The following ZNF254 variants were observed in gnomAD, a reference collection of about 807,000 sequenced individuals.
ZNF254 encodes the protein zinc finger protein 254.
In ZNF254, 10 loss-of-function variants were observed where a neutral mutation model predicts 12.4. The ratio of observed to expected loss-of-function variants is 0.80; its 90% CI spans 0.50 to 1.36. The LOEUF (loss-of-function observed/expected upper bound fraction) is 1.36, where lower values mean the gene tolerates loss of function less well. Among genes scored for constraint, ZNF254 ranks in the 40% most tolerant of loss-of-function variants. ZNF254 has a pLI of 0.00. For synonymous variants in ZNF254, 305 were observed against 253.4 expected, an observed-to-expected ratio of 1.20 and a Z score of -1.93; for missense variants, 996 against 763.9, an observed-to-expected ratio of 1.30 and a Z score of -3.58.
chr19:24,036,271 G>A (rs376554559), intron 1 of ZNF254, among the ~76,000 whole-genome samples: 3 of 151,686 alleles, frequency 2.0e-5, no homozygotes, highest in African/African-American at 4.8e-5. Context: ...CGGTTTCACC[G>A]TGGTCTTGAT....
intron 2 of ZNF254, among the ~76,000 whole-genome samples, chr19:24,049,214 A>ATATATATAT (rs1160333151): frequency 1.5e-4 from 6 of 40,860 alleles, no homozygotes; most frequent in East Asian, 4.7e-4. Flanking sequence ...ATATATATAT[A>ATATATATAT]TTTTTTTTTT....
intron 1 of ZNF254, among the ~76,000 whole-genome samples, chr19:24,044,409 G>C (rs1041583046): frequency 6.6e-6 from 1 of 151,772 alleles, no homozygotes; most frequent in Non-Finnish European, 1.5e-5. Flanking sequence ...ATGGTGGCAG[G>C]CACCTGTAGT....
chr19:24,041,741 C>T (rs962210810), intron 1 of ZNF254, among the ~76,000 whole-genome samples: 3 of 152,258 alleles, frequency 2.0e-5, no homozygotes, highest in Admixed American at 6.5e-5. Flanking sequence ...CCTGCAGCCC[C>T]GGTGCGGGAT....
intron 1 of ZNF254, among the ~76,000 whole-genome samples, chr19:24,092,586 G>C (rs992664848): frequency 1.3e-5 from 2 of 151,920 alleles, no homozygotes; most frequent in African/African-American, 4.8e-5. Flanking sequence ...TTTCCATGTT[G>C]CTCAGGCTGG....
intron 2 of ZNF254, among the ~76,000 whole-genome samples, chr19:24,077,224 A>G (rs1297476846): frequency 6.6e-6 from 1 of 152,162 alleles, no homozygotes; most frequent in Non-Finnish European, 1.5e-5. Context: ...ACCTGACCAC[A>G]CCAATGTACA....
At chr19:24,038,447 C>A (rs998081717) in intron 1 of ZNF254, among the ~76,000 whole-genome samples, 1 of 152,168 alleles carries the variant, frequency 6.6e-6, no homozygotes, top group African/African-American at 2.4e-5. Context: ...TTTGCAATCT[C>A]TTAGCAGTTT....
At chr19:24,125,653 T>C (rs1974784016) in intron 3 of ZNF254, among the ~76,000 whole-genome samples, 2 of 152,216 alleles carry the variant, frequency 1.3e-5, no homozygotes, top group African/African-American at 4.8e-5. Flanking sequence ...TTTTATTATT[T>C]AATTAGGAGA....
Position 24,126,929 on chromosome 19 carries a change from C to G in ZNF254, c.929C>G (p.Thr310Ser). 6.2e-7 allele frequency: 1 copy of G among 1,613,344 alleles called. No individual in the cohort carries two copies. The highest frequency in any genetic ancestry group is 2.2e-5 in the East Asian group (1 of 44,788). Residue 310 changes from threonine (T) to serine (S), a missense_variant, in exon 4 of 4, where the codon ACT becomes AGT. Thr to Ser is a moderately conservative substitution (Grantham distance 58). Transcript: ENST00000357002. The part of the protein sequence containing the change: ...GKAFIWSSTL[T>S]EHKKIHTRKK... ...GCATTTATCTGGTCCTCAACCCTTA[C>G]TGAGCATAAGAAAATTCATACTAGA...
chr19:24,099,529 A>G (rs2145749698), intron 1 of ZNF254, among the ~76,000 whole-genome samples: 1 of 152,310 alleles, frequency 6.6e-6, no homozygotes, highest in East Asian at 1.9e-4. Flanking sequence ...AGCCAAAAAG[A>G]CAGCACCCTT....
intron 2 of ZNF254, among the ~76,000 whole-genome samples, chr19:24,068,222 G>A (rs948708009): frequency 6.6e-6 from 1 of 151,850 alleles, no homozygotes; most frequent in Non-Finnish European, 1.5e-5. Flanking sequence ...TATCCTCTCA[G>A]GGTGTTGCTC....
At chr19:24,090,307 A>AG (rs1397248662) in intron 1 of ZNF254, among the ~76,000 whole-genome samples, 2 of 152,112 alleles carry the variant, frequency 1.3e-5, no homozygotes, top group Non-Finnish European at 2.9e-5. Context: ...GTCTCCTGAG[A>AG]GGGGGTTATT....
At chr19:24,111,829 A>T (rs1973702077) in intron 3 of ZNF254, among the ~76,000 whole-genome samples, 1 of 150,284 alleles carries the variant, frequency 6.7e-6, no homozygotes, top group Non-Finnish European at 1.5e-5. Context: ...GTTTGAGTTC[A>T]TTGTAGATTC....
chr19:24,033,629 T>C (rs948852093), intron 1 of ZNF254: 3 of 407,700 alleles, frequency 7.4e-6, no homozygotes, highest in South Asian at 1.8e-5. Flanking sequence ...AGGGTGAGTG[T>C]GCGGGGTTGG....
At chr19:24,101,968 G>A (rs1029913162) in intron 1 of ZNF254, among the ~76,000 whole-genome samples, 2 of 152,306 alleles carry the variant, frequency 1.3e-5, no homozygotes, top group African/African-American at 4.8e-5. Flanking sequence ...GTAAAAACAA[G>A]GAGGAGGTCT....
chr19:24,049,120 T>A (rs73522408), intron 2 of ZNF254: 23,196 of 145,352 alleles, frequency 0.16, 2,034 homozygotes, highest in Middle Eastern at 0.23. Context: ...AATCAATCTA[T>A]CATCTATCTC....
Position 24,127,144 on chromosome 19 carries a change from G to T in ZNF254, c.1144G>T (p.Glu382Ter), listed in dbSNP as rs563237256. 6.2e-7 allele frequency: 1 copy of T among 1,613,452 alleles called. No homozygotes were observed. Among genetic ancestry groups the T allele is most frequent in the South Asian group, 1.1e-5 (1 of 91,072 alleles). The change falls in exon 4 of 4, where the codon GAA (glutamate) becomes TAA (stop). Residue 382 changes from glutamate to a stop codon, truncating the protein, a stop_gained. Coordinates refer to ENST00000357002, the MANE Select transcript of ZNF254 (RefSeq NM_203282.4). LOFTEE classifies it low-confidence loss of function (END_TRUNC). ...TGGAGAGAAACGCTACAAATGCTTA[G>T]AATGTGGCAAAGCTTTTAAGCAACT... Reference protein sequence around the residue: ...HTGEKRYKCLECGKAFKQLST... With the variant: ...HTGEKRYKCL
intron 3 of ZNF254, among the ~76,000 whole-genome samples, chr19:24,125,102 C>T (rs1009912403): frequency 6.6e-6 from 1 of 152,082 alleles, no homozygotes; most frequent in African/African-American, 2.4e-5. Context: ...TCAGTTTTAT[C>T]TGGCAGCTTC....
chr19:24,124,972 A>T (rs1188537867), intron 3 of ZNF254, among the ~76,000 whole-genome samples: 3 of 151,670 alleles, frequency 2.0e-5, no homozygotes, highest in Non-Finnish European at 4.4e-5. Context: ...TTTAGTAGAG[A>T]CGGGGTTTTG....
rs532147008 is a variant in ZNF254 at position 24,041,469 on chromosome 19, C to T, written c.-189-4715C>T. On this transcript the variant is annotated intron_variant, in intron 1 of 4. Transcript: ENST00000613065. ...GACTTAGCACCCGGGCTAGTGGCTG[C>T]GGAGGGTGTACTGAGTCCCCCAGCA... 2.5e-3 allele frequency among the ~76,000 whole-genome samples: 379 copies of T among 152,368 alleles called. 3 individuals are homozygous for T. The highest frequency in any genetic ancestry group is 8.5e-3 in the African/African-American group (352 of 41,590).
Sources: allele counts gnomAD v4.1 joint callset (sites outside exome capture counted in the v4.1 genomes callset), GRCh38; gene constraint gnomAD v4.1.1; transcripts MANE v1.5; gene names NCBI Gene and HGNC (gene_info 2026-07-23, HGNC 2026-07-21).